Variants in SCARA5 observed in about 807,000 individuals in gnomAD.
SCARA5 encodes scavenger receptor class A member 5.
Under a neutral mutation model 46.3 loss-of-function variants are expected in SCARA5, and 45 were observed. The observed-to-expected ratio is 0.97, with a 90% confidence interval of 0.76 to 1.24. The LOEUF is 1.24. SCARA5 is among the 50% of genes most tolerant of loss of function. The pLI is 0.00. For synonymous variants in SCARA5, 333 were observed against 306.5 expected (o/e 1.09, Z -0.90); for missense variants, 680 against 689.0 (o/e 0.99, Z 0.15).
intron 4 of SCARA5, among the ~76,000 whole-genome samples, chr8:27,913,896 G>A (rs932061598): frequency 1.3e-5 from 2 of 152,126 alleles, no homozygotes; most frequent in Non-Finnish European, 2.9e-5. Context: ...TCTCCTCATA[G>A]TGTCCCTGAA....
At chr8:27,902,674 A>G (rs2129740377) in intron 7 of SCARA5, among the ~76,000 whole-genome samples, 1 of 152,254 alleles carries the variant, frequency 6.6e-6, no homozygotes, top group East Asian at 1.9e-4. Flanking sequence ...ACTAAATGCC[A>G]CGATCCTTCT....
intron 3 of SCARA5, among the ~76,000 whole-genome samples, chr8:27,962,448 T>C (rs1425522016): frequency 3.3e-5 from 5 of 152,198 alleles, no homozygotes; most frequent in African/African-American, 1.2e-4. Flanking sequence ...ACATCATTCT[T>C]ACAATAAGCA....
intron 3 of SCARA5, among the ~76,000 whole-genome samples, chr8:27,948,987 C>T (rs1353353210): frequency 3.3e-5 from 5 of 152,242 alleles, no homozygotes; most frequent in East Asian, 3.8e-4. Context: ...GAAGCACAAG[C>T]GGGTGGAGCC....
At chr8:27,894,838 A>G (rs1807036835) in intron 7 of SCARA5, among the ~76,000 whole-genome samples, 1 of 152,240 alleles carries the variant, frequency 6.6e-6, no homozygotes, top group South Asian at 2.1e-4. Flanking sequence ...ACATCCCTGC[A>G]GCAAACAGAG....
rs1232897127 is a variant in SCARA5, at chr8:27,921,686, T to A, written c.801A>T (p.Val267=). The A allele has an allele frequency of 6.8e-6, 11 of 1,607,992 alleles. No individual in the cohort carries two copies. The highest frequency in any genetic ancestry group is 8.5e-6 in the Non-Finnish European group (10 of 1,177,662). The change falls in exon 4 of 9, where the codon GTA becomes GTT. Residue 267 remains valine (V), a synonymous_variant. Transcript: ENST00000354914. ...EDTRRLRLAH[V]GMELQLKQEL... ...CCTGCTTCAGCTGCAGCTCCATGCCTACGTGCGCCAGGCGCAGGCGGCGCG... is the reference window on the plus strand; with the variant it reads ...CCTGCTTCAGCTGCAGCTCCATGCCAACGTGCGCCAGGCGCAGGCGGCGCG...
intron 1 of SCARA5, among the ~76,000 whole-genome samples, chr8:27,989,516 T>C (rs1808756028): frequency 6.6e-6 from 1 of 152,162 alleles, no homozygotes; most frequent in South Asian, 2.1e-4. Context: ...AGTCACTGTA[T>C]ACATGTCCTT....
intron 2 of SCARA5, among the ~76,000 whole-genome samples, chr8:27,972,147 T>C (rs1220581184): frequency 6.6e-6 from 1 of 151,864 alleles, no homozygotes; most frequent in African/African-American, 2.4e-5. Context: ...TGAAACCCCG[T>C]CTCTGCTAAA....
rs1381676818 is a variant in SCARA5 at position 27,992,367 on chromosome 8, A to C, written c.-126T>G. 6.6e-6 allele frequency: 1 copy of C among 152,446 alleles called. No homozygotes were observed. Among genetic ancestry groups the C allele is most frequent in the Non-Finnish European group, 1.5e-5 (1 of 68,236 alleles). The allele number at this position is 152,446 out of a possible 1,614,324, so 9.4% of individuals were successfully genotyped here. A position where few individuals can be genotyped will look rare whatever the true frequency, so the allele number is the denominator to read the frequency against. ...CGCTGAGAGCCAGGCCGCCCCTCGG[A>C]CCGCGTCCCCACAGCCAGCCAAATC... is the stretch of plus-strand genomic sequence containing the variant. On this transcript the variant is annotated 5_prime_UTR_variant, in exon 1 of 9. Coordinates refer to ENST00000354914, the MANE Select transcript of SCARA5 (RefSeq NM_173833.6).
At chr8:27,872,456 T>C (rs1806654785) in intron 8 of SCARA5, among the ~76,000 whole-genome samples, 1 of 152,228 alleles carries the variant, frequency 6.6e-6, no homozygotes, top group African/African-American at 2.4e-5. Flanking sequence ...TTCCCTGCTG[T>C]TTGGCTCTAA....
intron 2 of SCARA5, among the ~76,000 whole-genome samples, chr8:27,972,202 A>C (rs546376405): frequency 6.6e-6 from 1 of 152,226 alleles, no homozygotes; most frequent in African/African-American, 2.4e-5. Context: ...CTGTAACCCC[A>C]GCTACCCAGG....
intron 1 of SCARA5, among the ~76,000 whole-genome samples, chr8:27,991,883 A>ACG (rs146648390): frequency 0.022 from 3,313 of 151,592 alleles, 118 homozygotes; most frequent in African/African-American, 0.077. Flanking sequence ...ACATGCACAC[A>ACG]CACACATGCA....
intron 2 of SCARA5, among the ~76,000 whole-genome samples, chr8:27,984,794 C>T (rs569095226): frequency 6.6e-6 from 1 of 150,614 alleles, no homozygotes; most frequent in Non-Finnish European, 1.5e-5. Context: ...CATCCATTCA[C>T]CCATTCATCC....
intron 3 of SCARA5, among the ~76,000 whole-genome samples, chr8:27,961,437 T>G (rs562493176): frequency 6.6e-6 from 1 of 152,236 alleles, no homozygotes; most frequent in African/African-American, 2.4e-5. Flanking sequence ...ACCAAGGAGA[T>G]GCTAGTGCCA....
chr8:27,886,507 CA>C (rs571260445), intron 7 of SCARA5, among the ~76,000 whole-genome samples: 106 of 152,300 alleles, frequency 7.0e-4, no homozygotes, highest in Non-Finnish European at 1.4e-3. Flanking sequence ...TGCCCTGATT[CA>C]GGAACTCAGA....
At chr8:27,938,062 G>A (rs770320105) in intron 3 of SCARA5, among the ~76,000 whole-genome samples, 3 of 152,138 alleles carry the variant, frequency 2.0e-5, no homozygotes, top group Non-Finnish European at 4.4e-5. Flanking sequence ...GTTGGGGTGG[G>A]CAGTAACGGC....
In SCARA5 at chr8:27,922,043, C is replaced by A; in HGVS notation, c.444G>T (p.Arg148=). The stretch of plus-strand genomic sequence containing the variant: ...GCAGCCCCCACAGCGCGCCCTCCAG[C>A]CGCTGCACTGCGCCCGCCAGCGCCA... ...SLLALAGAVQ[R]LEGALWGLQA... Residue 148 remains arginine (R), a synonymous_variant, in exon 4 of 9, where the codon CGG becomes CGT. Transcript: ENST00000354914. 1 of 1,577,264 alleles carries A rather than the reference C, an allele frequency of 6.3e-7. No individual in the cohort carries two copies. The highest frequency in any genetic ancestry group is 8.6e-7 in the Non-Finnish European group (1 of 1,167,064).
chr8:27,885,215 G>A (rs1316275125), intron 7 of SCARA5, among the ~76,000 whole-genome samples: 10 of 152,158 alleles, frequency 6.6e-5, no homozygotes, highest in Non-Finnish European at 5.9e-5. Context: ...CATTTTGGAC[G>A]AGTAGAGAAG....
intron 4 of SCARA5, among the ~76,000 whole-genome samples, chr8:27,914,393 G>A (rs1807427529): frequency 6.6e-6 from 1 of 152,226 alleles, no homozygotes. Flanking sequence ...GAAGGAGGTG[G>A]GGAGATCCTC....
At chr8:27,984,646 A>T (rs1388946267) in intron 2 of SCARA5, among the ~76,000 whole-genome samples, 1 of 151,610 alleles carries the variant, frequency 6.6e-6, no homozygotes, top group African/African-American at 2.4e-5. Context: ...TCATTCACCC[A>T]TCCATTCATT....
Sources: allele counts gnomAD v4.1 joint callset (sites outside exome capture counted in the v4.1 genomes callset), GRCh38; gene constraint gnomAD v4.1.1; transcripts MANE v1.5; gene names NCBI Gene and HGNC (gene_info 2026-07-23, HGNC 2026-07-21).